PTPRK: variants seen among roughly 807,000 people sequenced by gnomAD.
PTPRK encodes the protein protein tyrosine phosphatase receptor type K.
In PTPRK, 75 loss-of-function variants were observed where a neutral mutation model predicts 178.0. That is an observed-to-expected ratio of 0.42 (90% CI 0.35 to 0.51). PTPRK has a LOEUF of 0.51. Among genes scored for constraint, PTPRK ranks in the 20% least tolerant of loss-of-function variants. The probability of loss-of-function intolerance (pLI) is 0.02; values close to 1 mark genes in which losing one functional copy is unlikely to be tolerated. For missense variants in PTPRK, 1,441 were observed against 1,797.8 expected, an observed-to-expected ratio of 0.80 and a Z score of 3.59; for synonymous variants, 637 against 620.6, an observed-to-expected ratio of 1.03 and a Z score of -0.39.
intron 6 of PTPRK, among the ~76,000 whole-genome samples, chr6:128,188,457 C>T (rs1354432285): frequency 2.6e-5 from 4 of 152,162 alleles, no homozygotes; most frequent in Admixed American, 1.3e-4. Context: ...AAAAATACTT[C>T]TACATTTAAT....
intron 7 of PTPRK, among the ~76,000 whole-genome samples, chr6:128,107,151 T>C (rs1160701830): frequency 6.6e-6 from 1 of 152,040 alleles, no homozygotes; most frequent in East Asian, 1.9e-4. Flanking sequence ...CAACAACTGA[T>C]GCTACTCATA....
intron 2 of PTPRK, among the ~76,000 whole-genome samples, chr6:128,374,241 T>C (rs1836701690): frequency 6.6e-6 from 1 of 152,158 alleles, no homozygotes; most frequent in Non-Finnish European, 1.5e-5. Flanking sequence ...CTCTAAACAC[T>C]GGAGTAATGC....
intron 7 of PTPRK, among the ~76,000 whole-genome samples, chr6:128,096,991 A>G (rs1211563732): frequency 6.6e-6 from 1 of 152,170 alleles, no homozygotes; most frequent in African/African-American, 2.4e-5. Flanking sequence ...TCTTTTCCTC[A>G]TGGAAAGGGT....
intron 1 of PTPRK, among the ~76,000 whole-genome samples, chr6:128,485,849 T>C (rs904496955): frequency 9.2e-5 from 14 of 152,176 alleles, no homozygotes; most frequent in African/African-American, 3.4e-4. Flanking sequence ...CTACGAAAAA[T>C]AATTGTAAAA....
intron 13 of PTPRK, among the ~76,000 whole-genome samples, chr6:128,059,196 T>C (rs1388359950): frequency 6.6e-6 from 1 of 151,988 alleles, no homozygotes; most frequent in African/African-American, 2.4e-5. Flanking sequence ...AATTGGGATT[T>C]TGATTGCTTT....
intron 1 of PTPRK, among the ~76,000 whole-genome samples, chr6:128,432,969 T>TA (rs1679421754): frequency 6.6e-6 from 1 of 152,204 alleles, no homozygotes; most frequent in Non-Finnish European, 1.5e-5. Context: ...TCTTTATTAT[T>TA]CAATTCCCTT....
chr6:128,348,525 G>C (rs1028617689), intron 2 of PTPRK, among the ~76,000 whole-genome samples: 1 of 107,026 alleles, frequency 9.3e-6, no homozygotes, highest in African/African-American at 3.5e-5. Flanking sequence ...TATTCATGGT[G>C]AATATTAAAG....
chr6:128,211,369 C>T (rs9388622), intron 6 of PTPRK, among the ~76,000 whole-genome samples: 9,771 of 151,996 alleles, frequency 0.064, 669 homozygotes, highest in East Asian at 0.34. Flanking sequence ...TATCTGTATT[C>T]ATTTGTGTTG....
chr6:128,037,848 G>C (rs1776485159), intron 13 of PTPRK, among the ~76,000 whole-genome samples: 1 of 152,108 alleles, frequency 6.6e-6, no homozygotes, highest in African/African-American at 2.4e-5. Context: ...ATTTGTCCCT[G>C]TAATAGACTC....
At chr6:127,995,717 ATAT>A (rs1777075576) in intron 17 of PTPRK, among the ~76,000 whole-genome samples, 179 bp from the exon 18 acceptor site, 1 of 152,074 alleles carries the variant, frequency 6.6e-6, no homozygotes, top group Admixed American at 6.6e-5. Context: ...TACACTTATA[ATAT>A]TGTGTGACTT....
At chr6:128,190,163 A>C (rs1011895097) in intron 6 of PTPRK, among the ~76,000 whole-genome samples, 1 of 152,178 alleles carries the variant, frequency 6.6e-6, no homozygotes, top group Non-Finnish European at 1.5e-5. Context: ...TATACATTTG[A>C]AAATTTTAGA....
chr6:127,982,073 C>T (rs1775409413), intron 24 of PTPRK, among the ~76,000 whole-genome samples: 1 of 152,132 alleles, frequency 6.6e-6, no homozygotes, highest in Admixed American at 6.5e-5. Context: ...CTGCTGACCT[C>T]AAGATCTGCC....
chr6:128,422,376 C>A (rs1397938396), intron 1 of PTPRK, among the ~76,000 whole-genome samples: 4 of 152,056 alleles, frequency 2.6e-5, no homozygotes, highest in Non-Finnish European at 5.9e-5. Context: ...AAAAAGCCAA[C>A]ACACAAAGAG....
At chr6:127,985,193 T>G (rs551482357) in intron 22 of PTPRK, among the ~76,000 whole-genome samples, 14 of 152,344 alleles carry the variant, frequency 9.2e-5, no homozygotes, top group African/African-American at 3.4e-4. Context: ...ATAATGCTCG[T>G]GTTTTTTGGC....
At chr6:128,165,927 T>G (rs1242596745) in intron 7 of PTPRK, among the ~76,000 whole-genome samples, 1 of 151,628 alleles carries the variant, frequency 6.6e-6, no homozygotes, top group East Asian at 1.9e-4. Flanking sequence ...AAAAATAGCA[T>G]TGGACATTTA....
intron 3 of PTPRK, among the ~76,000 whole-genome samples, chr6:128,315,756 A>G (rs1412537470): frequency 6.6e-6 from 1 of 152,190 alleles, no homozygotes; most frequent in Non-Finnish European, 1.5e-5. Flanking sequence ...TGAAAAATGT[A>G]TTTGTTTTCT....
At position 128,016,899 on chromosome 6, in the gene PTPRK, G is replaced by A. The variant is rs377507593; in HGVS notation, c.2195-7631C>T. Among the ~76,000 whole-genome samples, 79 of 152,028 alleles carry A rather than the reference G, an allele frequency of 5.2e-4. 1 individual carries two copies. The South Asian group carries it at 0.016, about 32-fold the overall frequency. On this transcript the variant is annotated intron_variant, in intron 13 of 29. Coordinates refer to ENST00000368226, the MANE Select transcript of PTPRK (RefSeq NM_002844.4). ...TATATCAAAATTACGTTAAGTACAT[G>A]AGTCACTTTCTGGATTTTCCATTTT...
At chr6:128,419,053 A>G (rs1410719719) in intron 1 of PTPRK, among the ~76,000 whole-genome samples, 1 of 152,188 alleles carries the variant, frequency 6.6e-6, no homozygotes, top group African/African-American at 2.4e-5. Context: ...TCTACAAAGA[A>G]CTAGTATCCA....
At chr6:128,018,196 C>A (rs1779832812) in intron 13 of PTPRK, among the ~76,000 whole-genome samples, 1 of 151,886 alleles carries the variant, frequency 6.6e-6, no homozygotes, top group Admixed American at 6.6e-5. Flanking sequence ...TACATAGTTA[C>A]CAATACATTA....
Sources: gnomAD v4.1 joint callset for allele counts (sites outside exome capture counted in the v4.1 genomes callset) on GRCh38, gnomAD v4.1.1 for gene constraint, MANE v1.5 for transcripts, NCBI Gene and HGNC (gene_info 2026-07-23, HGNC 2026-07-21) for gene names.